Variants in NAALADL2 observed in about 807,000 individuals in gnomAD.
The protein encoded by NAALADL2 is inactive N-acetylated-alpha-linked acidic dipeptidase-like protein 2.
A neutral mutation model predicts 87.2 loss-of-function variants in NAALADL2; 76 were observed. The ratio of observed to expected loss-of-function variants is 0.87; its 90% CI spans 0.72 to 1.05. The LOEUF (loss-of-function observed/expected upper bound fraction) is 1.05. NAALADL2 is among the 50% of genes least tolerant of loss of function. The probability of loss-of-function intolerance (pLI) is 0.00; values close to 1 mark genes in which losing one functional copy is unlikely to be tolerated. For synonymous variants in NAALADL2, 354 were observed against 331.0 expected, an observed-to-expected ratio of 1.07 and a Z score of -0.75; for missense variants, 1,089 against 945.8, an observed-to-expected ratio of 1.15 and a Z score of -1.99.
At chr3:174,872,210 T>C (rs1366512483) in intron 1 of NAALADL2, among the ~76,000 whole-genome samples, 1 of 152,180 alleles carries the variant, frequency 6.6e-6, no homozygotes, top group Non-Finnish European at 1.5e-5. Context: ...TAAGAGTAGC[T>C]ACTAACTGGT....
chr3:174,587,310 G>T (rs903915755), intron 2 of NAALADL2, among the ~76,000 whole-genome samples: 2 of 152,084 alleles, frequency 1.3e-5, no homozygotes, highest in African/African-American at 4.8e-5. Context: ...GCACACTGAT[G>T]GGTCTCGACT....
intron 3 of NAALADL2, among the ~76,000 whole-genome samples, chr3:174,770,418 A>G (rs1267848202): frequency 6.6e-6 from 1 of 152,196 alleles, no homozygotes; most frequent in East Asian, 1.9e-4. Context: ...TTATTCTGTT[A>G]CTTCTCATTT....
At chr3:175,505,955 T>C (rs958113588) in intron 9 of NAALADL2, among the ~76,000 whole-genome samples, 3 of 151,932 alleles carry the variant, frequency 2.0e-5, no homozygotes, top group Non-Finnish European at 4.4e-5. Flanking sequence ...TTGGTATCAC[T>C]TCAAGACCAA....
intron 5 of NAALADL2, among the ~76,000 whole-genome samples, chr3:175,426,996 T>C (rs186181374): frequency 6.6e-6 from 1 of 152,318 alleles, no homozygotes; most frequent in Admixed American, 6.5e-5. Flanking sequence ...TGAGTTTCTG[T>C]AGGTAATCAT....
chr3:175,676,239 C>CG (rs1734757800), intron 11 of NAALADL2: 1 of 152,104 alleles, frequency 6.6e-6, no homozygotes, highest in African/African-American at 2.4e-5. Context: ...AGATGACAAG[C>CG]AATATGCTTT....
At chr3:175,275,335 G>A (rs1298957121) in intron 4 of NAALADL2, among the ~76,000 whole-genome samples, 1 of 151,922 alleles carries the variant, frequency 6.6e-6, no homozygotes, top group African/African-American at 2.4e-5. Context: ...AATGTTTTTA[G>A]GATTTCTTAA....
chr3:175,660,116 G>C (rs1732046625), intron 11 of NAALADL2, among the ~76,000 whole-genome samples: 1 of 152,074 alleles, frequency 6.6e-6, no homozygotes, highest in Non-Finnish European at 1.5e-5. Context: ...AAGCCTCTAG[G>C]CCTCTTTTAT....
At chr3:174,846,105 C>T (rs1177160783) in intron 3 of NAALADL2, among the ~76,000 whole-genome samples, 1 of 152,124 alleles carries the variant, frequency 6.6e-6, no homozygotes, top group Non-Finnish European at 1.5e-5. Context: ...TAAAATGTGC[C>T]ACTCACATCT....
At chr3:174,840,842 G>T (rs1031489241) in intron 3 of NAALADL2, among the ~76,000 whole-genome samples, 1 of 152,024 alleles carries the variant, frequency 6.6e-6, no homozygotes, top group African/African-American at 2.4e-5. Context: ...TAGCTGCTTG[G>T]GGGAAGGCTG....
chr3:174,457,483 A>G (rs1356380528), intron 1 of NAALADL2, among the ~76,000 whole-genome samples: 2 of 152,202 alleles, frequency 1.3e-5, no homozygotes, highest in Non-Finnish European at 2.9e-5. Flanking sequence ...GATAAAGAAA[A>G]TGTGGTAAAT....
At chr3:175,062,469 A>G (rs1384228955) in intron 1 of NAALADL2, among the ~76,000 whole-genome samples, 2 of 134,680 alleles carry the variant, frequency 1.5e-5, no homozygotes, top group Admixed American at 7.7e-5. Context: ...TAGGGCTGGA[A>G]GTTTGGCTGT....
intron 1 of NAALADL2, among the ~76,000 whole-genome samples, chr3:174,494,804 C>T (rs1015544347): frequency 2.6e-5 from 4 of 151,904 alleles, no homozygotes; most frequent in African/African-American, 7.3e-5. Flanking sequence ...AAGCTTTTTA[C>T]GTTGGAGGGA....
At chr3:175,132,104 C>T (rs1437602928) in intron 2 of NAALADL2, among the ~76,000 whole-genome samples, 1 of 136,890 alleles carries the variant, frequency 7.3e-6, no homozygotes, top group Non-Finnish European at 1.6e-5. Flanking sequence ...CACCACCTCC[C>T]GCCCGGATGG....
chr3:174,784,339 T>C (rs1041925031), intron 3 of NAALADL2, among the ~76,000 whole-genome samples: 1 of 152,164 alleles, frequency 6.6e-6, no homozygotes, highest in Non-Finnish European at 1.5e-5. Flanking sequence ...AAATCTCCAA[T>C]TGCATTATGT....
chr3:174,567,445 C>G (rs1714422473), intron 2 of NAALADL2, among the ~76,000 whole-genome samples: 1 of 151,266 alleles, frequency 6.6e-6, no homozygotes, highest in African/African-American at 2.4e-5. Context: ...AGGCACTGAA[C>G]TTCTAATTAG....
At chr3:174,512,228 G>A (rs532543899) in intron 1 of NAALADL2, among the ~76,000 whole-genome samples, 1 of 152,210 alleles carries the variant, frequency 6.6e-6, no homozygotes, top group East Asian at 1.9e-4. Flanking sequence ...GGCTTAGATT[G>A]GTAAATTGAT....
intron 1 of NAALADL2, among the ~76,000 whole-genome samples, chr3:174,490,589 A>G (rs1160466223): frequency 6.6e-6 from 1 of 152,142 alleles, no homozygotes; most frequent in Non-Finnish European, 1.5e-5. Flanking sequence ...AAAAGTCAAG[A>G]ACTCCTGGTT....
At chr3:174,849,812 T>C (rs1298013787) in intron 3 of NAALADL2, among the ~76,000 whole-genome samples, 1 of 150,338 alleles carries the variant, frequency 6.7e-6, no homozygotes, top group African/African-American at 2.4e-5. Context: ...ATCATCATTA[T>C]CATTGTCTGC....
intron 1 of NAALADL2, among the ~76,000 whole-genome samples, chr3:174,955,831 G>A (rs1048347222): frequency 1.3e-5 from 2 of 151,990 alleles, no homozygotes; most frequent in Non-Finnish European, 2.9e-5. Flanking sequence ...ATTAGGCCTC[G>A]CTGGGGTGGG....
Sources: allele counts gnomAD v4.1 joint callset (sites outside exome capture counted in the v4.1 genomes callset), GRCh38; gene constraint gnomAD v4.1.1; transcripts MANE v1.5; gene names NCBI Gene and HGNC (gene_info 2026-07-23, HGNC 2026-07-21).